The following KDM4B variants were observed in gnomAD, a reference collection of about 807,000 sequenced individuals.
KDM4B encodes the protein lysine demethylase 4B, also known as lysine-specific demethylase 4B.
Under a neutral mutation model 125.2 loss-of-function variants are expected in KDM4B, and 32 were observed. The ratio of observed to expected loss-of-function variants is 0.26; its 90% CI spans 0.19 to 0.34. The LOEUF is 0.34. Ranked by LOEUF, KDM4B falls within the 10% of genes least tolerant of loss-of-function variation. The pLI, the probability that KDM4B is intolerant of heterozygous loss-of-function variation, is 1.00. For synonymous variants in KDM4B, 721 were observed against 677.9 expected (o/e 1.06, Z -0.99); for missense variants, 1,190 against 1,577.7 (o/e 0.75, Z 4.16).
Position 5,082,229 on chromosome 19 carries a change from G to A in KDM4B, c.781-138G>A, listed in dbSNP as rs758185200. On this transcript the variant is annotated intron_variant, in intron 8 of 22. Coordinates refer to ENST00000159111, the MANE Select transcript of KDM4B (RefSeq NM_015015.3). The surrounding 1 kb of genome is among the most constrained non-coding windows in gnomAD (Gnocchi z 5.4). ...CTGGAGCCCTGGAGCCCCTGGAGCC[G>A]CTGGATCACCTTTGACTTTGTGAAA... 25 of 976,732 alleles carry A rather than the reference G, an allele frequency of 2.6e-5. 1 individual carries two copies. In the East Asian group the frequency reaches 4.1e-4, roughly 16 times the overall value. The allele number at this position is 976,732 out of a possible 1,614,324, so 60.5% of individuals were successfully genotyped here.
chr19:5,012,893 T>C (rs1235930957), intron 1 of KDM4B, among the ~76,000 whole-genome samples: 4 of 152,172 alleles, frequency 2.6e-5, no homozygotes, highest in Admixed American at 6.5e-5. Flanking sequence ...GCATAGCCCA[T>C]GCGTAAGGAA....
In KDM4B at chr19:5,088,941, G is replaced by A. The variant is rs544502162; in HGVS notation, c.918+6437G>A. 2.6e-5 allele frequency among the ~76,000 whole-genome samples: 4 copies of A among 152,336 alleles called. No individual in the cohort carries two copies. The South Asian group carries it at 8.3e-4, about 32-fold the overall frequency. On this transcript the variant is annotated intron_variant, in intron 9 of 22. Coordinates refer to ENST00000159111, the MANE Select transcript of KDM4B (RefSeq NM_015015.3). ...GAACCCTGAGGACACCCCGCTCAGT[G>A]AGAGAAGCCAGACCCAGAGGCTACA...
intron 11 of KDM4B, among the ~76,000 whole-genome samples, chr19:5,121,339 C>T (rs989996864): frequency 6.6e-6 from 1 of 152,142 alleles, no homozygotes; most frequent in Non-Finnish European, 1.5e-5. Flanking sequence ...GAGGGTCTGC[C>T]GGCCTAGAGA....
intron 1 of KDM4B, among the ~76,000 whole-genome samples, chr19:4,998,534 AT>A (rs1189113794): frequency 6.6e-6 from 1 of 152,150 alleles, no homozygotes; most frequent in Non-Finnish European, 1.5e-5. Context: ...CAGACATGAC[AT>A]CCCTTTACCT....
chr19:5,026,182 G>A (rs2036272264), intron 2 of KDM4B, among the ~76,000 whole-genome samples: 1 of 151,380 alleles, frequency 6.6e-6, no homozygotes, highest in African/African-American at 2.4e-5. Context: ...GCCGAGGTGA[G>A]GATCGCTAAG....
At chr19:4,987,850 G>T (rs1458664766) in intron 1 of KDM4B, among the ~76,000 whole-genome samples, 2 of 152,288 alleles carry the variant, frequency 1.3e-5, no homozygotes, top group East Asian at 3.9e-4. Flanking sequence ...TCTGGGCTGG[G>T]GCTGCGGCCT....
intron 7 of KDM4B, chr19:5,077,119 G>T (rs1050768873): frequency 1.1e-5 from 6 of 556,776 alleles, no homozygotes; most frequent in South Asian, 8.5e-5. Context: ...AGGCCAGAGG[G>T]TGTCACCACT....
chr19:5,134,098 A>T (rs747513795), intron 14 of KDM4B, 37 bp downstream of exon 14: 134 of 1,550,264 alleles, frequency 8.6e-5, no homozygotes, highest in Non-Finnish European at 1.2e-4. Flanking sequence ...AGAGAACCCC[A>T]GGCAGGGGCG....
At chr19:4,969,527 G>A (rs2034171391) in intron 1 of KDM4B, among the ~76,000 whole-genome samples, 1 of 150,522 alleles carries the variant, frequency 6.6e-6, no homozygotes, top group Non-Finnish European at 1.5e-5. Context: ...GCGCGCGGGG[G>A]CTGGGCACAG....
intron 2 of KDM4B, among the ~76,000 whole-genome samples, chr19:5,019,437 GGTGTTGGTGTGC>G (rs1436640227): frequency 1.3e-5 from 2 of 148,464 alleles, no homozygotes; most frequent in Non-Finnish European, 3.0e-5. Context: ...TTGGTGTGCG[GGTGTTGGTGTGC>G]GTGTTGGTGT....
At chr19:5,124,546 C>T (rs1395535001) in intron 11 of KDM4B, among the ~76,000 whole-genome samples, 2 of 152,210 alleles carry the variant, frequency 1.3e-5, no homozygotes, top group African/African-American at 4.8e-5. Flanking sequence ...CGGCCACCAG[C>T]TCCTGTGACT....
At chr19:4,975,675 C>A (rs1268307564) in intron 1 of KDM4B, among the ~76,000 whole-genome samples, 1 of 150,880 alleles carries the variant, frequency 6.6e-6, no homozygotes, top group Non-Finnish European at 1.5e-5. Context: ...TCACTGCAAC[C>A]TCCACCTCCC....
chr19:5,134,053 T>C lies in KDM4B; in HGVS notation c.2077T>C (p.Tyr693His). Residue 693 changes from tyrosine (Y) to histidine (H), a missense_variant, in exon 14 of 23, where the codon TAC (tyrosine) becomes CAC (histidine). Physicochemically the swap from Tyr to His is moderately conservative, Grantham distance 83. Coordinates refer to ENST00000159111, the MANE Select transcript of KDM4B (RefSeq NM_015015.3). ...YCAICTLFYPYCQALQTEKEA... is the reference protein window; with the variant it reads ...YCAICTLFYPHCQALQTEKEA... ...CGCCATCTGCACGCTCTTCTACCCC[T>C]ACTGCCAGGTGGGCAGGCGGGCCTC... 6.3e-7 allele frequency: 1 copy of C among 1,586,668 alleles called. No individual in the cohort carries two copies.
At chr19:5,112,462 G>A (rs945760832) in intron 10 of KDM4B, 2 of 152,414 alleles carry the variant, frequency 1.3e-5, no homozygotes, top group African/African-American at 4.8e-5. Flanking sequence ...GCTGGCGATG[G>A]ATGGTGCCCA....
At chr19:5,108,818 C>T (rs1310255515) in intron 9 of KDM4B, among the ~76,000 whole-genome samples, 3 of 152,100 alleles carry the variant, frequency 2.0e-5, no homozygotes, top group African/African-American at 7.2e-5. Context: ...TGGCAGAGGT[C>T]GGGGCAGCCT....
intron 1 of KDM4B, among the ~76,000 whole-genome samples, chr19:5,010,178 G>A (rs1044828047): frequency 3.9e-5 from 6 of 152,056 alleles, no homozygotes; most frequent in African/African-American, 9.7e-5. Context: ...TGACTTTCAC[G>A]ACCTTGGCAC....
In KDM4B at chr19:5,151,798, A is replaced by C; in HGVS notation, c.*287A>C. On this transcript the variant is annotated 3_prime_UTR_variant, in exon 23 of 23. Coordinates refer to ENST00000159111, the MANE Select transcript of KDM4B (RefSeq NM_015015.3). ...TTCTTCTCGAAAAGGTGCTACTGCA[A>C]TGCCCTACTGAGCAACCTTTGAGAT... is the stretch of plus-strand genomic sequence containing the variant. The C allele has an allele frequency of 2.9e-6, 1 of 343,976 alleles. No individual in the cohort carries two copies. The highest frequency in any genetic ancestry group is 4.3e-5 in the East Asian group (1 of 23,270). 21.3% of individuals were successfully genotyped at this position (343,976 alleles called of 1,614,324 possible).
intron 1 of KDM4B, among the ~76,000 whole-genome samples, chr19:4,979,567 A>G (rs946347810): frequency 6.6e-6 from 1 of 152,166 alleles, no homozygotes; most frequent in African/African-American, 2.4e-5. Flanking sequence ...CAGTGTGATC[A>G]TGGGGACATG....
At chr19:5,131,003 G>A in intron 11 of KDM4B, 73 bp from the exon 12 acceptor site, 1 of 1,151,864 alleles carries the variant, frequency 8.7e-7, no homozygotes, top group South Asian at 1.7e-5. Context: ...AAAGTTGGGG[G>A]ATTTCTGGGG....
Sources: gnomAD v4.1 joint callset for allele counts (sites outside exome capture counted in the v4.1 genomes callset) on GRCh38, gnomAD v4.1.1 for gene constraint, Gnocchi (gnomAD v3.1) non-coding constraint, MANE v1.5 for transcripts, NCBI Gene and HGNC (gene_info 2026-07-23, HGNC 2026-07-21) for gene names.